USP8: variants seen among roughly 807,000 people sequenced by gnomAD.
The protein encoded by USP8 is ubiquitin carboxyl-terminal hydrolase 8.
Under a neutral mutation model 130.0 loss-of-function variants are expected in USP8, and 27 were observed. The ratio of observed to expected loss-of-function variants is 0.21; its 90% CI spans 0.15 to 0.29. The LOEUF (loss-of-function observed/expected upper bound fraction) is 0.29. USP8 is among the 10% of genes least tolerant of loss of function. The pLI is 1.00. For synonymous variants in USP8, 392 were observed against 444.1 expected, an observed-to-expected ratio of 0.88 and a Z score of 1.48; for missense variants, 1,029 against 1,312.2, an observed-to-expected ratio of 0.78 and a Z score of 3.33.
chr15:50,454,024 G>A (rs1416357080), intron 4 of USP8, among the ~76,000 whole-genome samples: 3 of 151,874 alleles, frequency 2.0e-5, no homozygotes, highest in African/African-American at 7.3e-5. Flanking sequence ...CACCATGCCT[G>A]GCTAATTTTT....
At chr15:50,496,387 A>C (rs2052405810) in intron 17 of USP8, among the ~76,000 whole-genome samples, 1 of 151,504 alleles carries the variant, frequency 6.6e-6, no homozygotes, top group Non-Finnish European at 1.5e-5. Context: ...AGGCTGAGGC[A>C]GGAGAATGGC....
rs1221711281 is a variant in USP8 at position 50,510,132 on chromosome 15, A to G, written c.*11044A>G. 6.6e-6 allele frequency: 1 copy of G among 152,150 alleles called. No individual in the cohort carries two copies. Among genetic ancestry groups the G allele is most frequent in the Non-Finnish European group, 1.5e-5 (1 of 68,026 alleles). The allele number at this position is 152,150 out of a possible 1,614,324, so 9.4% of individuals were successfully genotyped here. Reference sequence around the variant, plus strand: ...TGAACAAATTGACCAACAGACACACACAGCATAGGAAAACCAGCATTATAT... The same window carrying G: ...TGAACAAATTGACCAACAGACACACGCAGCATAGGAAAACCAGCATTATAT... On this transcript the variant is annotated 3_prime_UTR_variant, in exon 20 of 20. Coordinates refer to ENST00000307179, the MANE Select transcript of USP8 (RefSeq NM_005154.5).
chr15:50,456,537 G>C (rs2050795012), intron 4 of USP8, among the ~76,000 whole-genome samples: 1 of 149,594 alleles, frequency 6.7e-6, no homozygotes, highest in South Asian at 2.1e-4. Context: ...TCCCACCACT[G>C]CTCTCCAGCC....
In USP8 at chr15:50,477,292, C is replaced by G. The variant is rs371788580; in HGVS notation, c.1011C>G (p.Pro337=). 2 of 1,612,042 alleles carry G rather than the reference C, an allele frequency of 1.2e-6. No homozygotes were observed. The highest frequency in any genetic ancestry group is 2.7e-5 in the African/African-American group (2 of 74,738). Residue 337 remains proline (P), a synonymous_variant, in exon 10 of 20, where the codon CCC becomes CCG. Coordinates refer to ENST00000307179, the MANE Select transcript of USP8 (RefSeq NM_005154.5). ...EVSISLDFTY[P]SLEESIPSKP... is the part of the protein sequence containing the mutation. ...GAATTTTAGTGGATTTTACTTATCCCTCATTGGAAGAATCAATTCCTTCTA... is the reference window on the plus strand; with the variant it reads ...GAATTTTAGTGGATTTTACTTATCCGTCATTGGAAGAATCAATTCCTTCTA...
At position 50,500,533 on chromosome 15, in the gene USP8, A is replaced by G. The variant is rs931843699; in HGVS notation, c.*1445A>G. On this transcript the variant is annotated 3_prime_UTR_variant, in exon 20 of 20. Transcript: ENST00000307179. ...AGATGAAAGGTTGTATAACATGCCC[A>G]CAAGGCATAAAAATGTTAATGATGC... The G allele has an allele frequency of 3.1e-5, 14 of 444,808 alleles. No homozygotes were observed. The highest frequency in any genetic ancestry group is 2.8e-4 in the African/African-American group (14 of 50,672). 27.6% of individuals were successfully genotyped at this position (444,808 alleles called of 1,614,324 possible).
intron 10 of USP8, among the ~76,000 whole-genome samples, chr15:50,480,488 G>C (rs895058738): frequency 1.3e-5 from 2 of 152,166 alleles, no homozygotes; most frequent in Non-Finnish European, 2.9e-5. Flanking sequence ...TATTATAAGA[G>C]CATGTATCAG....
chr15:50,477,184 C>A, intron 9 of USP8, 92 bp from the exon 10 acceptor site: 1 of 1,318,166 alleles, frequency 7.6e-7, no homozygotes, highest in Non-Finnish European at 1.0e-6. Flanking sequence ...ACTTAGTTTA[C>A]ATTTAATTAC....
chr15:50,492,460 G>C lies in USP8; in HGVS notation c.2235-241G>C, dbSNP rs993954087. On this transcript the variant is annotated intron_variant, in intron 14 of 19. Coordinates refer to ENST00000307179, the MANE Select transcript of USP8 (RefSeq NM_005154.5). ...ATCTCAAGGTGTCTCTAAGAACCAT[G>C]ACCCACATTAAGAGGTTAAAGGTAT... 2.6e-5 allele frequency among the ~76,000 whole-genome samples: 4 copies of C among 152,200 alleles called. No individual in the cohort carries two copies. In the East Asian group the frequency reaches 7.7e-4, roughly 29 times the overall value.
intron 6 of USP8, among the ~76,000 whole-genome samples, chr15:50,463,035 C>G (rs975520794): frequency 6.6e-6 from 1 of 151,946 alleles, no homozygotes; most frequent in African/African-American, 2.4e-5. Flanking sequence ...ATTGCTTGAG[C>G]CCAGGAGTTC....
At chr15:50,468,279 A>G (rs1435750678) in intron 7 of USP8, among the ~76,000 whole-genome samples, 1 of 131,312 alleles carries the variant, frequency 7.6e-6, no homozygotes, top group Non-Finnish European at 1.6e-5. Context: ...TGTGTTGCTC[A>G]GGCTGGAGTG....
chr15:50,478,247 C>T (rs2051638805), intron 10 of USP8, among the ~76,000 whole-genome samples: 1 of 152,118 alleles, frequency 6.6e-6, no homozygotes, highest in Non-Finnish European at 1.5e-5. Context: ...AAATAACAGG[C>T]ATGTTTAACA....
At chr15:50,474,747 A>T (rs754318561) in intron 8 of USP8, among the ~76,000 whole-genome samples, 20 of 152,226 alleles carry the variant, frequency 1.3e-4, no homozygotes, top group Non-Finnish European at 2.4e-4. Flanking sequence ...ACAGCGAACT[A>T]TTAGGAGAAA....
Position 50,501,005 on chromosome 15 carries a change from TCTC to T in USP8, c.*1918_*1920del. 1 of 581,522 alleles carries T rather than the reference TCTC, an allele frequency of 1.7e-6. No homozygotes were observed. Among genetic ancestry groups the T allele is most frequent in the African/African-American group, 1.9e-5 (1 of 53,586 alleles). The allele number at this position is 581,522 out of a possible 1,614,324, so 36.0% of individuals were successfully genotyped here. On this transcript the variant is annotated 3_prime_UTR_variant, in exon 20 of 20. Transcript: ENST00000307179. Reference sequence around the variant, plus strand: ...CATATAGCCTGACTGCTATATTGCTTCTCATTTCATTGTAACTACTTATATGTT... The same window carrying T: ...CATATAGCCTGACTGCTATATTGCTTATTTCATTGTAACTACTTATATGTT...
Position 50,493,849 on chromosome 15 carries a change from G to A in USP8, c.2448-221G>A, listed in dbSNP as rs1054255441. 4 of 686,420 alleles carry A rather than the reference G, an allele frequency of 5.8e-6. No homozygotes were observed. The East Asian group carries it at 8.5e-5, about 15-fold the overall frequency. The allele number at this position is 686,420 out of a possible 1,614,324, so 42.5% of individuals were successfully genotyped here. On this transcript the variant is annotated intron_variant, in intron 15 of 19. Transcript: ENST00000307179. ...TCATGAACTGGAGCCTGTTGATGAT[G>A]AGGAGACCATGCAGGGCTTGCAGCC...
Position 50,489,851 on chromosome 15 carries a change from C to T in USP8, c.1941C>T (p.Ile647=), listed in dbSNP as rs747926929. The change falls in exon 13 of 20, where the codon ATC becomes ATT. Residue 647 remains isoleucine (I), a synonymous_variant. Transcript: ENST00000307179. Reference sequence around the variant, plus strand: ...CACGAAGTGAAGAAATGGGGAGGATCGTACCAGGACTGCCTTCAGGCTGGG... The same window carrying T: ...CACGAAGTGAAGAAATGGGGAGGATTGTACCAGGACTGCCTTCAGGCTGGG... ...TRARSEEMGR[I]VPGLPSGWAK... is the part of the protein sequence containing the mutation. The T allele has an allele frequency of 5.7e-6, 9 of 1,581,420 alleles. No individual in the cohort carries two copies. The highest frequency in any genetic ancestry group is 3.5e-5 in the South Asian group (3 of 84,630).
At chr15:50,431,165 CTG>C (rs56771450) in intron 1 of USP8, among the ~76,000 whole-genome samples, 6 of 140,980 alleles carry the variant, frequency 4.3e-5, no homozygotes, top group South Asian at 2.3e-4. Flanking sequence ...GTGTGTGCCT[CTG>C]TGTGTGTGTG....
At chr15:50,424,639 G>A in intron 1 of USP8, 125 bp downstream of exon 1, 1 of 396,680 alleles carries the variant, frequency 2.5e-6, no homozygotes. Flanking sequence ...GGAGAGGAGT[G>A]GGACAACTCC....
rs1418089136 is a variant in USP8 at position 50,481,999 on chromosome 15, A to C, written c.1737A>C (p.Glu579Asp). The change falls in exon 11 of 20, where the codon GAA (glutamate) becomes GAC (aspartate). Residue 579 changes from glutamate to aspartate, a missense_variant. Coordinates refer to ENST00000307179, the MANE Select transcript of USP8 (RefSeq NM_005154.5). ...EDRGKRCPTP[E>D]IQKKSTGDVP... ...GGGGGAAAAGGTGTCCAACCCCAGA[A>C]ATACAGAAAAAGTCAACAGGAGATG... 3.0e-5 allele frequency: 48 copies of C among 1,578,154 alleles called. No individual in the cohort carries two copies. Among genetic ancestry groups the C allele is most frequent in the Non-Finnish European group, 4.0e-5 (47 of 1,169,422 alleles).
At chr15:50,450,504 T>C (rs1202215868) in intron 4 of USP8, among the ~76,000 whole-genome samples, 14 of 137,016 alleles carry the variant, frequency 1.0e-4, no homozygotes. Flanking sequence ...GAGTTTTGCC[T>C]CTTGTTTCCC....
Sources: gnomAD v4.1 joint callset for allele counts (sites outside exome capture counted in the v4.1 genomes callset) on GRCh38, gnomAD v4.1.1 for gene constraint, MANE v1.5 for transcripts, NCBI Gene and HGNC (gene_info 2026-07-23, HGNC 2026-07-21) for gene names.